Variants in DTNA observed in about 807,000 individuals in gnomAD.
The protein encoded by DTNA is dystrobrevin alpha.
In DTNA, 43 loss-of-function variants were observed where a neutral mutation model predicts 100.7. The ratio of observed to expected loss-of-function variants is 0.43; its 90% CI spans 0.33 to 0.55. DTNA has a LOEUF of 0.55. Ranked by LOEUF, DTNA falls within the 20% of genes least tolerant of loss-of-function variation. The pLI is 0.04. For missense variants in DTNA, 798 were observed against 953.9 expected (o/e 0.84, Z 2.15); for synonymous variants, 349 against 347.9 (o/e 1.00, Z -0.04).
intron 6 of DTNA, among the ~76,000 whole-genome samples, chr18:34,814,702 A>T (rs1457851339): frequency 6.6e-6 from 1 of 151,960 alleles, no homozygotes; most frequent in South Asian, 2.1e-4. Flanking sequence ...TAAAAGAAAA[A>T]AAAAAGAGAA....
At chr18:34,864,803 A>T (rs751887350) in intron 17 of DTNA, among the ~76,000 whole-genome samples, 3 of 152,230 alleles carry the variant, frequency 2.0e-5, no homozygotes, top group Non-Finnish European at 4.4e-5. Flanking sequence ...GAACTCAGAC[A>T]CAAACTCTAA....
At chr18:34,567,928 T>G (rs1189566934) in intron 1 of DTNA, among the ~76,000 whole-genome samples, 2 of 152,140 alleles carry the variant, frequency 1.3e-5, no homozygotes, top group Non-Finnish European at 2.9e-5. Flanking sequence ...TTCTGCCGGG[T>G]TTTTAAAAAT....
intron 1 of DTNA, among the ~76,000 whole-genome samples, chr18:34,681,471 C>T (rs922829398): frequency 1.3e-5 from 2 of 152,148 alleles, no homozygotes; most frequent in East Asian, 3.9e-4. Context: ...TACCAATGCC[C>T]CCAGAAGTCC....
chr18:34,509,712 C>T (rs1045634034), intron 1 of DTNA, among the ~76,000 whole-genome samples: 1 of 152,022 alleles, frequency 6.6e-6, no homozygotes, highest in African/African-American at 2.4e-5. Flanking sequence ...AGTGCTTAAA[C>T]CTTTTTTTGT....
chr18:34,680,958 T>C (rs1048842537), intron 1 of DTNA, among the ~76,000 whole-genome samples: 1 of 152,210 alleles, frequency 6.6e-6, no homozygotes, highest in East Asian at 1.9e-4. Context: ...CCTCCCCTCC[T>C]ACATGTTACC....
chr18:34,638,522 G>A (rs575459685), intron 1 of DTNA, among the ~76,000 whole-genome samples: 23 of 152,314 alleles, frequency 1.5e-4, no homozygotes, highest in African/African-American at 5.5e-4. Context: ...GACCTGCCTA[G>A]GCATCATTCT....
chr18:34,514,823 C>T (rs1007485497), intron 1 of DTNA, among the ~76,000 whole-genome samples: 5 of 152,002 alleles, frequency 3.3e-5, no homozygotes, highest in Non-Finnish European at 7.4e-5. Flanking sequence ...GTTTTGTCCT[C>T]ATGACCTAAT....
rs2149721031 is a variant in DTNA at position 34,838,843 on chromosome 18, T to G, written c.1346+6T>G. ...CTCCGGAACAACCCCTCATGGTTAG[T>G]GCAGGTTTGGCTGCTTGACTGTCCT... On this transcript the variant is annotated splice_donor_region_variant and intron_variant, in intron 13 of 22. Transcript: ENST00000444659. 3 of 1,613,318 alleles carry G rather than the reference T, an allele frequency of 1.9e-6. No individual in the cohort carries two copies. Among genetic ancestry groups the G allele is most frequent in the African/African-American group, 1.3e-5 (1 of 75,000 alleles).
chr18:34,699,159 G>A (rs2081024078), intron 1 of DTNA, among the ~76,000 whole-genome samples: 1 of 149,524 alleles, frequency 6.7e-6, no homozygotes, highest in African/African-American at 2.5e-5. Context: ...ACTCACATGT[G>A]CACACACACA....
chr18:34,562,581 A>G (rs1442110111), intron 1 of DTNA, among the ~76,000 whole-genome samples: 1 of 152,214 alleles, frequency 6.6e-6, no homozygotes, highest in Non-Finnish European at 1.5e-5. Flanking sequence ...GGAACTTGAT[A>G]ATGAGAGAAA....
chr18:34,527,571 A>G (rs2042745804), intron 1 of DTNA, among the ~76,000 whole-genome samples: 1 of 152,076 alleles, frequency 6.6e-6, no homozygotes, highest in Admixed American at 6.6e-5. Flanking sequence ...GTTCCAAAAT[A>G]TGTTGAGATA....
chr18:34,579,170 A>G (rs1299455217), intron 1 of DTNA, among the ~76,000 whole-genome samples: 2 of 152,140 alleles, frequency 1.3e-5, no homozygotes, highest in African/African-American at 4.8e-5. Flanking sequence ...AAAAAGTATA[A>G]TTCTATTTAC....
At chr18:34,559,356 T>C (rs2046424222) in intron 1 of DTNA, among the ~76,000 whole-genome samples, 1 of 152,138 alleles carries the variant, frequency 6.6e-6, no homozygotes, top group South Asian at 2.1e-4. Flanking sequence ...GGGGGAAAAA[T>C]GAATAGAGAA....
At chr18:34,826,730 C>A (rs2095866880) in intron 9 of DTNA, among the ~76,000 whole-genome samples, 1 of 152,028 alleles carries the variant, frequency 6.6e-6, no homozygotes, top group South Asian at 2.1e-4. Flanking sequence ...ACTCTAAGTC[C>A]CATCTCATAT....
intron 1 of DTNA, among the ~76,000 whole-genome samples, chr18:34,653,124 T>G (rs2144039965): frequency 6.6e-6 from 1 of 152,306 alleles, no homozygotes; most frequent in Non-Finnish European, 1.5e-5. Context: ...ATTACACATC[T>G]AAAATACTTG....
chr18:34,563,613 C>T (rs1209549463), intron 1 of DTNA, among the ~76,000 whole-genome samples: 5 of 152,202 alleles, frequency 3.3e-5, no homozygotes, highest in Non-Finnish European at 7.3e-5. Context: ...CCCACCTCAT[C>T]AGTTCCTCCT....
intron 1 of DTNA, among the ~76,000 whole-genome samples, chr18:34,726,495 G>A (rs2086719748): frequency 6.6e-6 from 1 of 152,178 alleles, no homozygotes; most frequent in African/African-American, 2.4e-5. Context: ...TCCAACGACA[G>A]TAATACTACA....
chr18:34,551,492 G>A (rs201832574), intron 1 of DTNA, among the ~76,000 whole-genome samples: 1 of 151,332 alleles, frequency 6.6e-6, no homozygotes, highest in Non-Finnish European at 1.5e-5. Flanking sequence ...ATTTTTTTTT[G>A]TCAATGCTTG....
At chr18:34,696,394 T>C (rs2080544155) in intron 1 of DTNA, among the ~76,000 whole-genome samples, 3 of 151,710 alleles carry the variant, frequency 2.0e-5, no homozygotes, top group African/African-American at 7.3e-5. Context: ...CTGGCCAACA[T>C]AGTGGAACCC....
Sources: gnomAD v4.1 joint callset for allele counts (sites outside exome capture counted in the v4.1 genomes callset) on GRCh38, gnomAD v4.1.1 for gene constraint, MANE v1.5 for transcripts, NCBI Gene and HGNC (gene_info 2026-07-23, HGNC 2026-07-21) for gene names.